The following SLC35E2B variants were observed in gnomAD, a reference collection of about 807,000 sequenced individuals.
SLC35E2B encodes the protein solute carrier family 35, member E2B.
SLC35E2B carries 18 observed loss-of-function variants against 32.4 expected under a neutral mutation model. The ratio of observed to expected loss-of-function variants is 0.56; its 90% CI spans 0.38 to 0.82. The LOEUF (loss-of-function observed/expected upper bound fraction) is 0.82, where lower values mean the gene tolerates loss of function less well. Ranked by LOEUF, SLC35E2B falls within the 40% of genes least tolerant of loss-of-function variation. The pLI, the probability that SLC35E2B is intolerant of heterozygous loss-of-function variation, is 0.00. For synonymous variants in SLC35E2B, 132 were observed against 209.1 expected, an observed-to-expected ratio of 0.63 and a Z score of 3.18; for missense variants, 263 against 469.5, an observed-to-expected ratio of 0.56 and a Z score of 4.06.
At chr1:1,689,178 A>C (rs1035598609) in intron 2 of SLC35E2B, among the ~76,000 whole-genome samples, 3 of 152,070 alleles carry the variant, frequency 2.0e-5, no homozygotes, top group South Asian at 2.1e-4. Context: ...TCAAAAAAAA[A>C]CAAACAAACA....
intron 2 of SLC35E2B, among the ~76,000 whole-genome samples, chr1:1,689,986 CAAA>C (rs763440072): frequency 4.7e-5 from 4 of 84,628 alleles, no homozygotes; most frequent in Non-Finnish European, 9.5e-5. Context: ...GACCCTGTCT[CAAA>C]AAAAAAAAAA....
rs973440904 is a variant in SLC35E2B, at chr1:1,665,386, G to A, written c.*396C>T. ...CAGGGCCTCAGGGCCTTCGATGGCT[G>A]GTGTGGGAAGCCGAGGGCTCTCTTG... is the stretch of plus-strand genomic sequence containing the variant. On this transcript the variant is annotated 3_prime_UTR_variant, in exon 10 of 10. Transcript: ENST00000617444. 1.1e-5 allele frequency: 5 copies of A among 440,652 alleles called. No individual in the cohort carries two copies. Among genetic ancestry groups the A allele is most frequent in the Non-Finnish European group, 1.6e-5 (4 of 250,570 alleles). 27.3% of individuals were successfully genotyped at this position (440,652 alleles called of 1,614,324 possible).
At position 1,663,751 on chromosome 1, in the gene SLC35E2B, G is replaced by T; in HGVS notation, c.*2031C>A. ...CCCAAAGTGCTGCGATTAGAGGCGT[G>T]AGCCACCGCACCCAGTCTTCTATTA... is the stretch of plus-strand genomic sequence containing the variant. On this transcript the variant is annotated 3_prime_UTR_variant, in exon 10 of 10. Transcript: ENST00000617444. The T allele has an allele frequency of 1.4e-6, 1 of 722,084 alleles. No homozygotes were observed. The highest frequency in any genetic ancestry group is 1.7e-6 in the Non-Finnish European group (1 of 585,330). The allele number at this position is 722,084 out of a possible 1,614,324, so 44.7% of individuals were successfully genotyped here. A position where few individuals can be genotyped will look rare whatever the true frequency, so the allele number is the denominator to read the frequency against.
chr1:1,677,948 C>G (rs1643867967), intron 2 of SLC35E2B, among the ~76,000 whole-genome samples: 1 of 151,558 alleles, frequency 6.6e-6, no homozygotes, highest in African/African-American at 2.4e-5. Context: ...CACTGTGACT[C>G]CGCAGCACCG....
chr1:1,682,518 G>A (rs1047145895), intron 2 of SLC35E2B, among the ~76,000 whole-genome samples: 5 of 152,138 alleles, frequency 3.3e-5, no homozygotes, highest in African/African-American at 4.8e-5. Flanking sequence ...ACTGAGGGAC[G>A]AATCACAGAC....
chr1:1,688,226 G>A (rs1316782108), intron 2 of SLC35E2B, among the ~76,000 whole-genome samples: 1 of 152,112 alleles, frequency 6.6e-6, no homozygotes, highest in Non-Finnish European at 1.5e-5. Flanking sequence ...TCATCAGAGT[G>A]ACAGAATGAG....
At chr1:1,678,382 C>T (rs961923238) in intron 2 of SLC35E2B, among the ~76,000 whole-genome samples, 15 of 152,078 alleles carry the variant, frequency 9.9e-5, no homozygotes, top group African/African-American at 1.2e-4. Flanking sequence ...TCCCCATACC[C>T]GGGAACAGGC....
In SLC35E2B at chr1:1,663,863, T is replaced by C. The variant is rs1305542646; in HGVS notation, c.*1919A>G. On this transcript the variant is annotated 3_prime_UTR_variant, in exon 10 of 10. Transcript: ENST00000617444. ...CTTCGCAGCGCAGTGAGCACACACC[T>C]GGCCTGTCCTCCACACACAGGTCAG... The C allele has an allele frequency of 1.1e-5, 10 of 897,726 alleles. 1 individual carries two copies. In the African/African-American group the frequency reaches 1.8e-4, roughly 16 times the overall value. The allele number at this position is 897,726 out of a possible 1,614,324, so 55.6% of individuals were successfully genotyped here. A position where few individuals can be genotyped will look rare whatever the true frequency, so the allele number is the denominator to read the frequency against.
chr1:1,674,309 A>G (rs1450492299), intron 5 of SLC35E2B: 2 of 152,944 alleles, frequency 1.3e-5, no homozygotes, highest in African/African-American at 2.4e-5. Flanking sequence ...GCCCAGCAGA[A>G]TAACGTGGAA....
At chr1:1,672,781 G>C (rs1643731779) in intron 5 of SLC35E2B, 1 of 152,376 alleles carries the variant, frequency 6.6e-6, no homozygotes, top group Non-Finnish European at 1.5e-5. Context: ...GGGGAGGGTG[G>C]TGCCTTAAGA....
rs190148303 is a variant in SLC35E2B, at chr1:1,668,338, C to T, written c.969G>A (p.Pro323=). Residue 323 remains proline, a synonymous_variant, in exon 9 of 10, where the codon CCG becomes CCA. Coordinates refer to ENST00000617444, the MANE Select transcript of SLC35E2B (RefSeq NM_001290264.2). ...TAYALMGKIS[P]VTFSVASTVK... ...GTTCCTCTGCTCACCTGAAAGTCAC[C>T]GGGGAGATTTTCCCCATGAGGGCGT... 9.7e-4 allele frequency: 1,567 copies of T among 1,607,688 alleles called. 16 individuals carry two copies. The African/African-American group carries it at 0.018, about 18-fold the overall frequency.
At chr1:1,684,805 A>AAC (rs1557765420) in intron 2 of SLC35E2B, among the ~76,000 whole-genome samples, 30 of 147,244 alleles carry the variant, frequency 2.0e-4, no homozygotes, top group African/African-American at 7.5e-4. Flanking sequence ...AAAAAAAAAA[A>AAC]AAAAAAAAAC....
intron 7 of SLC35E2B, 119 bp downstream of exon 7, chr1:1,669,979 A>C (rs1643644877): frequency 3.9e-6 from 4 of 1,017,076 alleles, no homozygotes; most frequent in Non-Finnish European, 4.5e-6. Context: ...GGTACTTGTA[A>C]AGGCCACCCA....
intron 2 of SLC35E2B, among the ~76,000 whole-genome samples, chr1:1,685,108 CAAA>C (rs202244077): frequency 5.0e-5 from 6 of 118,880 alleles, no homozygotes; most frequent in Non-Finnish European, 5.1e-5. Context: ...AACTCCGTCT[CAAA>C]AAAAAAAAAA....
chr1:1,679,672 C>CA (rs908980606), intron 2 of SLC35E2B, among the ~76,000 whole-genome samples: 63 of 145,286 alleles, frequency 4.3e-4, no homozygotes, highest in Admixed American at 1.2e-3. Flanking sequence ...ACTAAAAGTA[C>CA]AAAAAAAAAA....
intron 5 of SLC35E2B, chr1:1,674,429 TCA>T (rs1643787301): frequency 6.6e-6 from 1 of 152,004 alleles, no homozygotes; most frequent in African/African-American, 2.4e-5. Context: ...TAACGTATAT[TCA>T]CAGTGAAAAA....
intron 5 of SLC35E2B, 107 bp downstream of exon 5, chr1:1,675,356 A>C (rs1643815474): frequency 1.4e-6 from 1 of 721,266 alleles, no homozygotes; most frequent in Admixed American, 2.9e-5. Context: ...CACCACTCTG[A>C]GTGGTCCTCG....
chr1:1,678,363 A>C (rs1221221749), intron 2 of SLC35E2B, among the ~76,000 whole-genome samples: 2 of 151,960 alleles, frequency 1.3e-5, no homozygotes, highest in Non-Finnish European at 2.9e-5. Flanking sequence ...AGGTGCCTGA[A>C]ACTTGGCCTC....
intron 9 of SLC35E2B, 25 bp from the exon 10 acceptor site, chr1:1,666,044 G>T: frequency 1.9e-6 from 3 of 1,542,284 alleles, no homozygotes; most frequent in Non-Finnish European, 2.6e-6. Flanking sequence ...GGAGGCAGCA[G>T]GGGCGCTCAG....
Sources: gnomAD v4.1 joint callset for allele counts (sites outside exome capture counted in the v4.1 genomes callset) on GRCh38, gnomAD v4.1.1 for gene constraint, MANE v1.5 for transcripts, NCBI Gene and HGNC (gene_info 2026-07-23, HGNC 2026-07-21) for gene names.